Variants in KCNJ3 observed in about 807,000 individuals in gnomAD.
KCNJ3 encodes the protein potassium inwardly rectifying channel subfamily J member 3.
KCNJ3 carries 4 observed loss-of-function variants against 39.2 expected under a neutral mutation model. The ratio of observed to expected loss-of-function variants is 0.10; its 90% CI spans 0.05 to 0.23. The LOEUF (loss-of-function observed/expected upper bound fraction) is 0.23. Among genes scored for constraint, KCNJ3 ranks in the 10% least tolerant of loss-of-function variants. KCNJ3 has a pLI of 1.00. For synonymous variants in KCNJ3, 230 were observed against 237.4 expected, an observed-to-expected ratio of 0.97 and a Z score of 0.29; for missense variants, 276 against 634.9, an observed-to-expected ratio of 0.43 and a Z score of 6.08.
At chr2:154,848,719 G>T (rs2121082) in intron 2 of KCNJ3, among the ~76,000 whole-genome samples, 1 of 151,852 alleles carries the variant, frequency 6.6e-6, no homozygotes, top group African/African-American at 2.4e-5. Flanking sequence ...TTAGAAAAAC[G>T]GAGGTTCAGA....
intron 2 of KCNJ3, among the ~76,000 whole-genome samples, chr2:154,722,130 A>ATTTTT (rs35965372): frequency 6.7e-6 from 1 of 148,716 alleles, no homozygotes; most frequent in Admixed American, 6.7e-5. Flanking sequence ...AACTACAAAG[A>ATTTTT]TTTTTTTTTT....
chr2:154,741,290 T>G (rs1685651001), intron 2 of KCNJ3, among the ~76,000 whole-genome samples: 1 of 151,960 alleles, frequency 6.6e-6, no homozygotes, highest in Admixed American at 6.6e-5. Context: ...ACAGACCACA[T>G]TCTGATAACT....
intron 2 of KCNJ3, among the ~76,000 whole-genome samples, chr2:154,834,172 T>G (rs1184907843): frequency 1.3e-5 from 2 of 152,080 alleles, no homozygotes; most frequent in African/African-American, 4.8e-5. Context: ...TGAATGAGAG[T>G]TCTTGTGATT....
At chr2:154,787,937 T>C (rs1460429983) in intron 2 of KCNJ3, among the ~76,000 whole-genome samples, 3 of 152,188 alleles carry the variant, frequency 2.0e-5, no homozygotes. Context: ...TGATCCAACA[T>C]ATATTTGTGT....
chr2:154,823,052 T>G (rs1687211587), intron 2 of KCNJ3, among the ~76,000 whole-genome samples: 1 of 151,990 alleles, frequency 6.6e-6, no homozygotes, highest in African/African-American at 2.4e-5. Flanking sequence ...AGGATATTCT[T>G]TTTATGAAGA....
chr2:154,757,006 T>C (rs915852402), intron 2 of KCNJ3, among the ~76,000 whole-genome samples: 1 of 151,946 alleles, frequency 6.6e-6, no homozygotes, highest in Non-Finnish European at 1.5e-5. Flanking sequence ...GAAAAATGTA[T>C]AAAATAGGAT....
intron 1 of KCNJ3, among the ~76,000 whole-genome samples, chr2:154,705,782 AATTT>A (rs1334482473): frequency 2.0e-5 from 3 of 152,240 alleles, no homozygotes; most frequent in Admixed American, 6.5e-5. Context: ...TTAAACAATT[AATTT>A]ATTTAAACAA....
At chr2:154,778,722 G>A (rs892186234) in intron 2 of KCNJ3, among the ~76,000 whole-genome samples, 1 of 151,856 alleles carries the variant, frequency 6.6e-6, no homozygotes, top group African/African-American at 2.4e-5. Flanking sequence ...GCTCTTTTTG[G>A]AAAACAATAA....
intron 2 of KCNJ3, among the ~76,000 whole-genome samples, chr2:154,799,460 G>T (rs552348218): frequency 1.3e-5 from 2 of 152,262 alleles, no homozygotes; most frequent in South Asian, 4.1e-4. Context: ...CTGATAGAAT[G>T]CTGAGGAAGG....
chr2:154,833,699 C>T (rs1018207800), intron 2 of KCNJ3, among the ~76,000 whole-genome samples: 1 of 152,130 alleles, frequency 6.6e-6, no homozygotes, highest in Non-Finnish European at 1.5e-5. Flanking sequence ...CTATTCATCC[C>T]TCCGTCTCCC....
chr2:154,788,105 G>C (rs1284540177), intron 2 of KCNJ3, among the ~76,000 whole-genome samples: 1 of 152,118 alleles, frequency 6.6e-6, no homozygotes. Context: ...TGCTTGGACA[G>C]AGCATAGAAG....
intron 2 of KCNJ3, among the ~76,000 whole-genome samples, chr2:154,770,902 T>C (rs1269454141): frequency 6.7e-6 from 1 of 149,386 alleles, no homozygotes; most frequent in East Asian, 1.9e-4. Flanking sequence ...CTTTTTTTTT[T>C]TTTTTTGAGA....
At chr2:154,730,325 A>C (rs1265677513) in intron 2 of KCNJ3, among the ~76,000 whole-genome samples, 2 of 152,102 alleles carry the variant, frequency 1.3e-5, no homozygotes, top group African/African-American at 4.8e-5. Context: ...TTCTCTTAGT[A>C]AGAAATAATG....
At chr2:154,800,455 T>A (rs1287038482) in intron 2 of KCNJ3, among the ~76,000 whole-genome samples, 1 of 152,214 alleles carries the variant, frequency 6.6e-6, no homozygotes, top group Non-Finnish European at 1.5e-5. Context: ...TCCATTCTCT[T>A]TCTCCCACAC....
At chr2:154,829,877 A>ATGAT (rs1466845125) in intron 2 of KCNJ3, among the ~76,000 whole-genome samples, 1 of 152,076 alleles carries the variant, frequency 6.6e-6, no homozygotes, top group African/African-American at 2.4e-5. Context: ...TATTTTTCTA[A>ATGAT]TGATTAGTGA....
chr2:154,768,366 A>G (rs1204602791), intron 2 of KCNJ3, among the ~76,000 whole-genome samples: 2 of 152,138 alleles, frequency 1.3e-5, no homozygotes, highest in African/African-American at 4.8e-5. Flanking sequence ...TTTTTGTATA[A>G]GGTGTAAGGA....
chr2:154,746,897 A>C (rs1249688138), intron 2 of KCNJ3, among the ~76,000 whole-genome samples: 1 of 151,808 alleles, frequency 6.6e-6, no homozygotes, highest in Non-Finnish European at 1.5e-5. Context: ...TATTATCTAA[A>C]TTAGCAATAA....
chr2:154,850,480 ACT>A (rs1183516360), intron 2 of KCNJ3, among the ~76,000 whole-genome samples: 2 of 152,024 alleles, frequency 1.3e-5, no homozygotes, highest in Non-Finnish European at 2.9e-5. Context: ...AAAAAGAAGT[ACT>A]CTCTCAATTA....
Position 154,825,891 on chromosome 2 carries a change from T to TA in KCNJ3, c.920-28834dup, listed in dbSNP as rs1574476539. Among the ~76,000 whole-genome samples the TA allele has an allele frequency of 2.0e-5, 3 of 150,962 alleles. No individual in the cohort carries two copies. The East Asian group carries it at 5.9e-4, about 29-fold the overall frequency. ...ACTGCACCTGTTTTTTTTTTTTTTT[T>TA]AATTATTAATGTTAACCTATTACAA... is the stretch of plus-strand genomic sequence containing the variant. On this transcript the variant is annotated intron_variant, in intron 2 of 2. Transcript: ENST00000295101.
Sources: allele counts gnomAD v4.1 joint callset (sites outside exome capture counted in the v4.1 genomes callset), GRCh38; gene constraint gnomAD v4.1.1; transcripts MANE v1.5; gene names NCBI Gene and HGNC (gene_info 2026-07-23, HGNC 2026-07-21).